The following ZNF385D variants were observed in gnomAD, a reference collection of about 807,000 sequenced individuals.
The protein encoded by ZNF385D is zinc finger protein 385D, also known as zinc finger protein 659.
In ZNF385D, 15 loss-of-function variants were observed where a neutral mutation model predicts 35.8. The ratio of observed to expected loss-of-function variants is 0.42; its 90% CI spans 0.28 to 0.64. The LOEUF (loss-of-function observed/expected upper bound fraction) is 0.64, where lower values mean the gene tolerates loss of function less well. ZNF385D is among the 30% of genes least tolerant of loss of function. ZNF385D has a pLI of 0.23. For synonymous variants in ZNF385D, 212 were observed against 186.8 expected (o/e 1.13, Z -1.10); for missense variants, 474 against 494.6 (o/e 0.96, Z 0.39).
At chr3:22,070,254 A>G (rs1356117509) in intron 3 of ZNF385D, among the ~76,000 whole-genome samples, 2 of 152,196 alleles carry the variant, frequency 1.3e-5, no homozygotes, top group Non-Finnish European at 2.9e-5. Context: ...ATAAAGAAAT[A>G]GGTCCACTTA....
chr3:22,331,297 A>G (rs1329816841), intron 2 of ZNF385D, among the ~76,000 whole-genome samples: 1 of 152,180 alleles, frequency 6.6e-6, no homozygotes, highest in Non-Finnish European at 1.5e-5. Flanking sequence ...TATACATGAA[A>G]ATTTAGAATA....
At chr3:21,696,007 T>C (rs376638639) in intron 1 of ZNF385D, among the ~76,000 whole-genome samples, 3 of 152,186 alleles carry the variant, frequency 2.0e-5, no homozygotes, top group Admixed American at 1.3e-4. Flanking sequence ...AGTGGTATTA[T>C]AGCCCTGTTT....
At chr3:21,871,522 T>C (rs1416621057) in intron 3 of ZNF385D, among the ~76,000 whole-genome samples, 3 of 152,178 alleles carry the variant, frequency 2.0e-5, no homozygotes, top group Admixed American at 2.0e-4. Flanking sequence ...GACTGGCATA[T>C]AGTAGGTACT....
At chr3:21,908,369 T>C (rs1018760679) in intron 3 of ZNF385D, among the ~76,000 whole-genome samples, 6 of 152,104 alleles carry the variant, frequency 3.9e-5, no homozygotes, top group Non-Finnish European at 5.9e-5. Context: ...ACCTTTCCTA[T>C]TGAGATTGGT....
At chr3:22,295,915 T>A (rs1358679087) in intron 2 of ZNF385D, among the ~76,000 whole-genome samples, 1 of 152,006 alleles carries the variant, frequency 6.6e-6, no homozygotes, top group Non-Finnish European at 1.5e-5. Context: ...AAACTGAGAT[T>A]TCTGAAAAAA....
intron 3 of ZNF385D, among the ~76,000 whole-genome samples, chr3:21,815,766 T>A (rs1475977204): frequency 1.3e-5 from 2 of 152,120 alleles, no homozygotes; most frequent in African/African-American, 2.4e-5. Flanking sequence ...GCGGAGCTGG[T>A]ACCATTCCTT....
At chr3:21,827,856 G>T (rs1339862235) in intron 3 of ZNF385D, among the ~76,000 whole-genome samples, 2 of 152,138 alleles carry the variant, frequency 1.3e-5, no homozygotes. Flanking sequence ...AGTTCAGAAA[G>T]AAACATGCTG....
intron 3 of ZNF385D, among the ~76,000 whole-genome samples, chr3:21,922,029 C>A (rs1174063785): frequency 1.3e-5 from 2 of 151,920 alleles, no homozygotes; most frequent in Non-Finnish European, 2.9e-5. Context: ...CAAAACCTGC[C>A]AAAGACACAA....
chr3:21,918,444 T>C (rs1700299726), intron 3 of ZNF385D, among the ~76,000 whole-genome samples: 1 of 104,764 alleles, frequency 9.5e-6, no homozygotes, highest in South Asian at 3.7e-4. Context: ...AAGTGAAGAG[T>C]TTGTAATTCT....
At chr3:21,578,031 C>A (rs2063545034) in intron 2 of ZNF385D, among the ~76,000 whole-genome samples, 2 of 151,836 alleles carry the variant, frequency 1.3e-5, no homozygotes, top group African/African-American at 4.8e-5. Flanking sequence ...CCCAGGATGA[C>A]CTCAAACTCC....
At chr3:21,717,598 A>AGCTC (rs1187778929) in intron 1 of ZNF385D, among the ~76,000 whole-genome samples, 1 of 152,210 alleles carries the variant, frequency 6.6e-6, no homozygotes, top group Non-Finnish European at 1.5e-5. Flanking sequence ...ATTAAATTGT[A>AGCTC]GCTCTCATAA....
intron 3 of ZNF385D, among the ~76,000 whole-genome samples, chr3:22,016,599 C>G (rs974748152): frequency 2.0e-5 from 3 of 151,928 alleles, no homozygotes; most frequent in African/African-American, 4.8e-5. Context: ...TGAATCACAT[C>G]TTCTCATTTT....
chr3:22,245,976 C>T (rs530649320), intron 2 of ZNF385D, among the ~76,000 whole-genome samples: 1 of 151,992 alleles, frequency 6.6e-6, no homozygotes, highest in East Asian at 1.9e-4. Flanking sequence ...GAGCTCAGTC[C>T]CAACCAATCT....
intron 3 of ZNF385D, among the ~76,000 whole-genome samples, chr3:21,794,575 T>A (rs2072068467): frequency 6.6e-6 from 1 of 152,058 alleles, no homozygotes; most frequent in African/African-American, 2.4e-5. Flanking sequence ...TGTTTCCTGG[T>A]TCATAGACAA....
At chr3:21,805,410 GA>G (rs2072597130) in intron 3 of ZNF385D, among the ~76,000 whole-genome samples, 1 of 152,136 alleles carries the variant, frequency 6.6e-6, no homozygotes, top group Non-Finnish European at 1.5e-5. Flanking sequence ...CTCTAAAAAT[GA>G]ATGCTGTTTA....
intron 2 of ZNF385D, among the ~76,000 whole-genome samples, chr3:22,198,351 A>T: frequency 6.6e-6 from 1 of 152,230 alleles, no homozygotes; most frequent in African/African-American, 2.4e-5. Flanking sequence ...ATTAGGATTG[A>T]CTTGTGAAAG....
intron 1 of ZNF385D, among the ~76,000 whole-genome samples, chr3:21,718,069 G>A (rs147122975): frequency 6.6e-6 from 1 of 152,288 alleles, no homozygotes; most frequent in African/African-American, 2.4e-5. Flanking sequence ...TGATTCTGTT[G>A]TTGCTGGTGT....
chr3:21,865,630 G>C (rs1697305729), intron 3 of ZNF385D, among the ~76,000 whole-genome samples: 1 of 152,082 alleles, frequency 6.6e-6, no homozygotes, highest in South Asian at 2.1e-4. Context: ...AGAGCAGAGA[G>C]CTGAACACTG....
At chr3:22,103,067 C>G (rs180948421) in intron 3 of ZNF385D, among the ~76,000 whole-genome samples, 1 of 151,666 alleles carries the variant, frequency 6.6e-6, no homozygotes, top group Non-Finnish European at 1.5e-5. Flanking sequence ...ACTGATTTTC[C>G]TATTAAATTT....
Sources: allele counts gnomAD v4.1 joint callset (sites outside exome capture counted in the v4.1 genomes callset), GRCh38; gene constraint gnomAD v4.1.1; transcripts MANE v1.5; gene names NCBI Gene and HGNC (gene_info 2026-07-23, HGNC 2026-07-21).